The following RAB30 variants were observed in gnomAD, a reference collection of about 807,000 sequenced individuals.
The protein encoded by RAB30 is ras-related protein Rab-30.
RAB30 carries 9 observed loss-of-function variants against 25.1 expected under a neutral mutation model. The ratio of observed to expected loss-of-function variants is 0.36; its 90% CI spans 0.22 to 0.63. The LOEUF is 0.63. Ranked by LOEUF, RAB30 falls within the 20% of genes least tolerant of loss-of-function variation. The pLI is 0.69. For missense variants in RAB30, 140 were observed against 243.5 expected (o/e 0.58, Z 2.83); for synonymous variants, 77 against 86.4 (o/e 0.89, Z 0.60).
chr11:83,060,347 T>G (rs1858543840), intron 1 of RAB30, among the ~76,000 whole-genome samples: 1 of 152,252 alleles, frequency 6.6e-6, no homozygotes, highest in East Asian at 1.9e-4. Flanking sequence ...CGATAGATGT[T>G]AAAACTTTTG....
intron 1 of RAB30, among the ~76,000 whole-genome samples, chr11:83,008,044 C>G (rs938148120): frequency 2.0e-4 from 30 of 152,222 alleles, no homozygotes; most frequent in African/African-American, 6.5e-4. Context: ...AAATCAGGGA[C>G]CGTGTCTAAT....
chr11:83,009,177 T>C (rs950539435), intron 1 of RAB30, among the ~76,000 whole-genome samples: 6 of 151,926 alleles, frequency 3.9e-5, no homozygotes, highest in Non-Finnish European at 7.4e-5. Flanking sequence ...CAAGCAATTC[T>C]GTCTCAGCCT....
At chr11:83,069,648 G>A (rs759505899) in intron 1 of RAB30, among the ~76,000 whole-genome samples, 6 of 152,134 alleles carry the variant, frequency 3.9e-5, no homozygotes, top group Non-Finnish European at 8.8e-5. Context: ...AAAATGTATT[G>A]TATAAGGCAA....
intron 1 of RAB30, among the ~76,000 whole-genome samples, chr11:83,015,427 TG>T (rs144385639): frequency 0.14 from 20,609 of 152,044 alleles, 1,880 homozygotes; most frequent in African/African-American, 0.26. Flanking sequence ...CTTGAGCACA[TG>T]GGGGGATAAT....
Position 83,025,576 on chromosome 11 carries a change from TGA to T in RAB30, c.-8-28254_-8-28253del, listed in dbSNP as rs562369903. ...AATTACAATGCTGAATTATCCAGTC[TGA>T]GAGTTAACATGTTTACTGGGAGTGA... On this transcript the variant is annotated intron_variant, in intron 1 of 4. Transcript: ENST00000527633. 2.1e-4 allele frequency among the ~76,000 whole-genome samples: 32 copies of T among 152,330 alleles called. No homozygotes were observed. In the South Asian group the frequency reaches 6.2e-3, roughly 30 times the overall value.
At chr11:83,023,172 C>T (rs1472886238) in intron 1 of RAB30, among the ~76,000 whole-genome samples, 1 of 152,072 alleles carries the variant, frequency 6.6e-6, no homozygotes, top group Non-Finnish European at 1.5e-5. Context: ...AGCTTGGGAA[C>T]CACTGCTTTA....
intron 1 of RAB30, among the ~76,000 whole-genome samples, chr11:83,003,466 A>G (rs1857128227): frequency 6.6e-6 from 1 of 152,080 alleles, no homozygotes; most frequent in African/African-American, 2.4e-5. Flanking sequence ...CCTGTTGCCC[A>G]GGCTGGAGTG....
chr11:83,015,037 T>C, intron 1 of RAB30, among the ~76,000 whole-genome samples: 1 of 152,238 alleles, frequency 6.6e-6, no homozygotes. Context: ...GGGAGACTGC[T>C]GTGGGACAGG....
chr11:82,997,386 G>A, intron 1 of RAB30, 62 bp from the exon 2 acceptor site: 1 of 1,174,842 alleles, frequency 8.5e-7, no homozygotes, highest in Non-Finnish European at 1.3e-6. Context: ...CAGAGCTCAA[G>A]CTGCACCAGC....
At chr11:83,047,569 G>C (rs1466239605) in intron 1 of RAB30, among the ~76,000 whole-genome samples, 1 of 152,190 alleles carries the variant, frequency 6.6e-6, no homozygotes, top group South Asian at 2.1e-4. Context: ...AAAGTCTTGA[G>C]TATATGATCC....
At chr11:83,050,040 T>C (rs865800943) in intron 1 of RAB30, among the ~76,000 whole-genome samples, 7 of 152,198 alleles carry the variant, frequency 4.6e-5, no homozygotes, top group Middle Eastern at 3.4e-3. Flanking sequence ...GGAGGATCAC[T>C]TGAGCCTAAG....
At chr11:83,042,030 A>AG (rs1491420133) in intron 1 of RAB30, among the ~76,000 whole-genome samples, 1 of 77,714 alleles carries the variant, frequency 1.3e-5, no homozygotes, top group East Asian at 3.8e-4. Flanking sequence ...ACTCTGTCTC[A>AG]AAAAAAAAAA....
At chr11:83,015,769 G>A (rs1313964564) in intron 1 of RAB30, among the ~76,000 whole-genome samples, 1 of 152,172 alleles carries the variant, frequency 6.6e-6, no homozygotes, top group Non-Finnish European at 1.5e-5. Context: ...GGTAGGAAGA[G>A]AATCAAGAAG....
Position 82,979,026 on chromosome 11 carries a change from A to C in RAB30, c.*3139T>G, listed in dbSNP as rs1856594948. ...ACCCATGGCCTAATCTAAGTAATCC[A>C]TCAAAAAAGATAATTGGCCCTGTAA... On this transcript the variant is annotated 3_prime_UTR_variant, in exon 5 of 5. Coordinates refer to ENST00000527633, the MANE Select transcript of RAB30 (RefSeq NM_001286060.2). The C allele has an allele frequency of 6.6e-6, 1 of 152,206 alleles. No individual in the cohort carries two copies. The highest frequency in any genetic ancestry group is 1.9e-4 in the East Asian group (1 of 5,202). 9.4% of individuals were successfully genotyped at this position (152,206 alleles called of 1,614,324 possible).
At chr11:83,066,714 G>C (rs1245903760) in intron 1 of RAB30, among the ~76,000 whole-genome samples, 5 of 151,952 alleles carry the variant, frequency 3.3e-5, no homozygotes, top group African/African-American at 1.2e-4. Flanking sequence ...CTACACCCCC[G>C]CCTAATTTTG....
In RAB30 at chr11:83,011,708, T is replaced by C. The variant is rs543934943; in HGVS notation, c.-8-14384A>G. Among the ~76,000 whole-genome samples the C allele has an allele frequency of 2.0e-5, 3 of 152,374 alleles. No individual in the cohort carries two copies. In the South Asian group the frequency reaches 6.2e-4, roughly 32 times the overall value. On this transcript the variant is annotated intron_variant, in intron 1 of 4. Coordinates refer to ENST00000527633, the MANE Select transcript of RAB30 (RefSeq NM_001286060.2). ...ATTAGGTCCAGAATATTTAACTTTC[T>C]TTACATTTCTCATACCCTTACTCTC... is the stretch of plus-strand genomic sequence containing the variant.
intron 4 of RAB30, 35 bp from the exon 5 acceptor site, chr11:82,982,450 A>ATTTGACTT (rs1202271476): frequency 6.3e-7 from 1 of 1,599,408 alleles, no homozygotes; most frequent in East Asian, 2.2e-5. Context: ...AAGAATCAGC[A>ATTTGACTT]TTTGACTTTT....
At chr11:83,049,630 C>T (rs772915033) in intron 1 of RAB30, among the ~76,000 whole-genome samples, 58 of 151,562 alleles carry the variant, frequency 3.8e-4, no homozygotes, top group East Asian at 1.9e-4. Context: ...ACAAGGTATA[C>T]GCCACCATGC....
chr11:82,986,404 T>C (rs537822242), intron 4 of RAB30, among the ~76,000 whole-genome samples: 1 of 152,324 alleles, frequency 6.6e-6, no homozygotes, highest in South Asian at 2.1e-4. Context: ...GAACTAACTG[T>C]CTCCCCTCAA....
Sources: gnomAD v4.1 joint callset for allele counts (sites outside exome capture counted in the v4.1 genomes callset) on GRCh38, gnomAD v4.1.1 for gene constraint, MANE v1.5 for transcripts, NCBI Gene and HGNC (gene_info 2026-07-23, HGNC 2026-07-21) for gene names.